The following PLA2G4C variants were observed in gnomAD, a reference collection of about 807,000 sequenced individuals.
PLA2G4C encodes the protein phospholipase A2 group IVC, also known as cytosolic phospholipase A2 gamma.
A neutral mutation model predicts 73.8 loss-of-function variants in PLA2G4C; 64 were observed. The observed-to-expected ratio is 0.87, with a 90% CI of 0.71 to 1.07. The LOEUF (loss-of-function observed/expected upper bound fraction) is 1.07. Among genes scored for constraint, PLA2G4C ranks in the 50% least tolerant of loss-of-function variants. PLA2G4C has a pLI of 0.00. For synonymous variants in PLA2G4C, 254 were observed against 252.1 expected, an observed-to-expected ratio of 1.01 and a Z score of -0.07; for missense variants, 622 against 665.4, an observed-to-expected ratio of 0.93 and a Z score of 0.72.
intron 12 of PLA2G4C, 57 bp from the exon 13 acceptor site, chr19:48,067,943 C>G: frequency 8.1e-7 from 1 of 1,231,514 alleles, no homozygotes; most frequent in South Asian, 1.2e-5. Context: ...TGGTTTCTGC[C>G]CCCACCAAAG....
Position 48,105,375 on chromosome 19 carries a change from A to G in PLA2G4C, c.78T>C (p.His26=), listed in dbSNP as rs1400842868. The G allele has an allele frequency of 3.1e-6, 5 of 1,613,940 alleles. No individual in the cohort carries two copies. Among genetic ancestry groups the G allele is most frequent in the Admixed American group, 1.7e-5 (1 of 59,984 alleles). Residue 26 remains histidine, a synonymous_variant, in exon 3 of 17, where the codon CAT becomes CAC. Coordinates refer to ENST00000599921, the MANE Select transcript of PLA2G4C (RefSeq NM_003706.3). The part of the protein sequence containing the change: ...EKAAVERRRL[H]VLKALKKLRI... The stretch of plus-strand genomic sequence containing the variant: ...TTAGCTTCTTCAGAGCTTTCAGCAC[A>G]TGAAGTCTTCGTCTCTCCACGGCCG...
At chr19:48,090,478 AT>A in intron 7 of PLA2G4C, 61 bp from the exon 8 acceptor site, 1 of 1,223,108 alleles carries the variant, frequency 8.2e-7, no homozygotes, top group Non-Finnish European at 1.2e-6. Flanking sequence ...CATGTTTGAT[AT>A]TCAAAGCACC....
At chr19:48,107,142 A>G (rs11564512) in intron 1 of PLA2G4C, among the ~76,000 whole-genome samples, 48,323 of 151,576 alleles carry the variant, frequency 0.32, 11,229 homozygotes, top group African/African-American at 0.66. Context: ...ACCGCGTCCG[A>G]CCTGAGACTA....
chr19:48,057,736 T>C (rs4332842), intron 14 of PLA2G4C, among the ~76,000 whole-genome samples: 139,189 of 150,112 alleles, frequency 0.93, 64,550 homozygotes, highest in Admixed American at 0.95. Flanking sequence ...GTGATCCACC[T>C]GCCTCTACCT....
In PLA2G4C at chr19:48,048,281, A is replaced by T; in HGVS notation, c.*62T>A. 1 of 1,260,416 alleles carries T rather than the reference A, an allele frequency of 7.9e-7. No homozygotes were observed. The highest frequency in any genetic ancestry group is 1.1e-6 in the Non-Finnish European group (1 of 879,840). The allele number at this position is 1,260,416 out of a possible 1,614,324, so 78.1% of individuals were successfully genotyped here. On this transcript the variant is annotated 3_prime_UTR_variant, in exon 17 of 17. Transcript: ENST00000599921. The stretch of plus-strand genomic sequence containing the variant: ...GAAGGGAGTGAAGAACAGGAAGGCC[A>T]GGTGGACATCAGGGCCCTAGTAGAC...
At chr19:48,067,633 A>G (rs1234700710) in intron 13 of PLA2G4C, among the ~76,000 whole-genome samples, 158 bp downstream of exon 13, 1 of 152,166 alleles carries the variant, frequency 6.6e-6, no homozygotes, top group Admixed American at 6.5e-5. Context: ...ACTGAGCGAA[A>G]GTTCCCCTAA....
At chr19:48,054,198 G>A (rs1346385497) in intron 15 of PLA2G4C, among the ~76,000 whole-genome samples, 1 of 152,132 alleles carries the variant, frequency 6.6e-6, no homozygotes, top group African/African-American at 2.4e-5. Flanking sequence ...TTGAATTGTA[G>A]TTCCCATAAT....
Position 48,104,647 on chromosome 19 carries a change from C to T in PLA2G4C, c.198G>A (p.Met66Ile). The T allele has an allele frequency of 6.2e-7, 1 of 1,614,186 alleles. No individual in the cohort carries two copies. Among genetic ancestry groups the T allele is most frequent in the Non-Finnish European group, 8.5e-7 (1 of 1,180,020 alleles). The change falls in exon 4 of 17, where the codon ATG becomes ATA. Residue 66 changes from methionine to isoleucine, a missense_variant. Met to Ile is a conservative substitution (Grantham distance 10). Transcript: ENST00000599921. Reference sequence around the variant, plus strand: ...CGGCATCCAACAGGCCCTGTTCTTTCATCTCACTCAGGACCCCAAGGCAGG... The same window carrying T: ...CGGCATCCAACAGGCCCTGTTCTTTTATCTCACTCAGGACCCCAAGGCAGG... ...HIACLGVLSE[M>I]KEQGLLDAVT...
At chr19:48,056,973 G>A (rs1967967629) in intron 14 of PLA2G4C, among the ~76,000 whole-genome samples, 1 of 152,090 alleles carries the variant, frequency 6.6e-6, no homozygotes, top group East Asian at 1.9e-4. Context: ...ACACACTGGG[G>A]CCTAGTGTTG....
chr19:48,067,888 T>C lies in PLA2G4C; in HGVS notation c.1007-2A>G, dbSNP rs767833109. ...AATCCATCAAGTTACTGAGTGAGCC[T>C]AGGGAAAGAAGCCGAGACAGCCAAG... On this transcript the variant is annotated splice_acceptor_variant, in intron 12 of 16. Transcript: ENST00000599921. LOFTEE classifies it high-confidence loss of function. 2 of 1,609,956 alleles carry C rather than the reference T, an allele frequency of 1.2e-6. No homozygotes were observed. The highest frequency in any genetic ancestry group is 1.7e-6 in the Non-Finnish European group (2 of 1,176,240).
chr19:48,105,528 TC>T, intron 2 of PLA2G4C, 84 bp from the exon 3 acceptor site: 2 of 1,021,518 alleles, frequency 2.0e-6, no homozygotes, highest in Non-Finnish European at 3.0e-6. Context: ...AACTGGGCTG[TC>T]CAAGCAGGTA....
At chr19:48,055,086 C>T (rs766814492) in intron 14 of PLA2G4C, 37 bp from the exon 15 acceptor site, 23 of 229,598 alleles carry the variant, frequency 1.0e-4, no homozygotes, top group Non-Finnish European at 1.4e-4. Flanking sequence ...TGCAAGACCT[C>T]TCCAGAAGAC....
chr19:48,095,592 T>C lies in PLA2G4C; in HGVS notation c.581A>G (p.Glu194Gly), dbSNP rs781355766. ...GAAGCCAGCGTGGTGAGGGGTGAAC[T>C]CGAACCAGGTCTCTGCAGAGGAAAT... ...QEARAPETWF[E>G]FTPHHAGFSA... The change falls in exon 7 of 17, where the codon GAG becomes GGG. Residue 194 changes from glutamate to glycine, a missense_variant. Physicochemically the swap from Glu to Gly is moderately conservative, Grantham distance 98. Coordinates refer to ENST00000599921, the MANE Select transcript of PLA2G4C (RefSeq NM_003706.3). The C allele has an allele frequency of 6.2e-7, 1 of 1,614,004 alleles. No individual in the cohort carries two copies.
intron 6 of PLA2G4C, 147 bp downstream of exon 6, chr19:48,097,992 G>T: frequency 2.4e-6 from 2 of 824,432 alleles, no homozygotes; most frequent in Non-Finnish European, 3.8e-6. Flanking sequence ...CTCTTCTCTC[G>T]TCTAAGCTGA....
rs753341951 is a variant in PLA2G4C, at chr19:48,106,499, T to C, written c.8+23A>G. On this transcript the variant is annotated intron_variant, in intron 2 of 16. Coordinates refer to ENST00000599921, the MANE Select transcript of PLA2G4C (RefSeq NM_003706.3). ...ACACAAATGCTCTGCTTCCCCATAG[T>C]GGTCAGCTCTAAGAGGACTTACCTT... The C allele has an allele frequency of 2.5e-6, 4 of 1,578,754 alleles. No individual in the cohort carries two copies. The South Asian group carries it at 4.4e-5, about 17-fold the overall frequency.
chr19:48,078,871 C>CTTTTTTT (rs33976382), intron 10 of PLA2G4C, among the ~76,000 whole-genome samples: 1 of 137,970 alleles, frequency 7.2e-6, no homozygotes, highest in African/African-American at 2.7e-5. Flanking sequence ...TCCTAAAATC[C>CTTTTTTT]TTTTTTTTTT....
intron 5 of PLA2G4C, 136 bp downstream of exon 5, chr19:48,099,535 G>A (rs893768981): frequency 2.2e-5 from 13 of 598,548 alleles, no homozygotes; most frequent in East Asian, 1.4e-4. Flanking sequence ...GGCATCAACC[G>A]AAGTGCCCAG....
In PLA2G4C at chr19:48,084,977, T is replaced by G. The variant is rs1600219720; in HGVS notation, c.844+82A>C. On this transcript the variant is annotated intron_variant, in intron 10 of 16. Coordinates refer to ENST00000599921, the MANE Select transcript of PLA2G4C (RefSeq NM_003706.3). ...AACCATTATACACAGGCCTCTTTTC[T>G]GCCACATGCAGGAAAAGTACTGTGA... The G allele has an allele frequency of 5.1e-6, 5 of 977,840 alleles. No individual in the cohort carries two copies. In the East Asian group the frequency reaches 9.6e-5, roughly 19 times the overall value. The allele number at this position is 977,840 out of a possible 1,614,324, so 60.6% of individuals were successfully genotyped here.
At chr19:48,100,099 A>G (rs536782776) in intron 4 of PLA2G4C, 3 of 443,202 alleles carry the variant, frequency 6.8e-6, no homozygotes, top group East Asian at 3.9e-5. Context: ...TGAGAGCACG[A>G]TGGGAGAAAG....
Sources: allele counts gnomAD v4.1 joint callset (sites outside exome capture counted in the v4.1 genomes callset), GRCh38; gene constraint gnomAD v4.1.1; transcripts MANE v1.5; gene names NCBI Gene and HGNC (gene_info 2026-07-23, HGNC 2026-07-21).